Variants in DPP10 observed in about 807,000 individuals in gnomAD.
DPP10 encodes the protein dipeptidyl peptidase like 10, also known as inactive dipeptidyl peptidase 10.
A neutral mutation model predicts 120.9 loss-of-function variants in DPP10; 33 were observed. That is an observed-to-expected ratio of 0.27 (90% confidence interval 0.21 to 0.37). The LOEUF (loss-of-function observed/expected upper bound fraction) is 0.37, where lower values mean the gene tolerates loss of function less well. DPP10 is among the 10% of genes least tolerant of loss of function. The pLI is 1.00. For synonymous variants in DPP10, 337 were observed against 326.1 expected, an observed-to-expected ratio of 1.03 and a Z score of -0.36; for missense variants, 816 against 942.8, an observed-to-expected ratio of 0.87 and a Z score of 1.76.
rs186801579 is a variant in DPP10, at chr2:114,973,788, T to A, written c.61-335451T>A. Among the ~76,000 whole-genome samples, 251 of 152,176 alleles carry A rather than the reference T, an allele frequency of 1.6e-3. 1 individual carries two copies. The highest frequency in any genetic ancestry group is 5.8e-3 in the African/African-American group (240 of 41,532). ...ATGCACGTTACTGCTGCTGAAGACT[T>A]TCCAGTGGGACAAGATGTGGCAGCA... On this transcript the variant is annotated intron_variant, in intron 1 of 25. Transcript: ENST00000410059.
intron 1 of DPP10, among the ~76,000 whole-genome samples, chr2:115,066,195 A>G (rs191682449): frequency 2.1e-3 from 315 of 152,262 alleles, no homozygotes; most frequent in Non-Finnish European, 3.3e-3. Flanking sequence ...TAACTTATTC[A>G]TTTTATATAT....
intron 1 of DPP10, among the ~76,000 whole-genome samples, chr2:114,670,986 T>G (rs1386731244): frequency 1.3e-5 from 2 of 152,156 alleles, no homozygotes; most frequent in Non-Finnish European, 2.9e-5. Flanking sequence ...AAGGTCACAT[T>G]AAGGAGAAGA....
At chr2:115,416,603 G>A (rs1167416289) in intron 3 of DPP10, among the ~76,000 whole-genome samples, 1 of 152,214 alleles carries the variant, frequency 6.6e-6, no homozygotes, top group South Asian at 2.1e-4. Context: ...AGCTTATACT[G>A]AAGAGGAGGA....
intron 5 of DPP10, among the ~76,000 whole-genome samples, chr2:115,534,086 CTT>C (rs2078642726): frequency 6.8e-6 from 1 of 147,820 alleles, no homozygotes; most frequent in South Asian, 2.1e-4. Flanking sequence ...AAACAACACA[CTT>C]TTATTTATTT....
rs1409041429 is a variant in DPP10, at chr2:114,442,772, C to T, written c.-7C>T. 5 of 1,613,240 alleles carry T rather than the reference C, an allele frequency of 3.1e-6. No individual in the cohort carries two copies. Among genetic ancestry groups the T allele is most frequent in the Non-Finnish European group, 4.2e-6 (5 of 1,179,474 alleles). On this transcript the variant is annotated 5_prime_UTR_variant, in exon 1 of 26. Coordinates refer to ENST00000410059, the MANE Select transcript of DPP10 (RefSeq NM_020868.6). ...CTGGGATTGTGCACTGTCCAGGGTC[C>T]TGAAACATGAACCAAACTGCCAGCG...
chr2:115,523,103 C>T (rs1399381749), intron 4 of DPP10, among the ~76,000 whole-genome samples: 18 of 152,036 alleles, frequency 1.2e-4, no homozygotes, highest in South Asian at 2.1e-4. Flanking sequence ...GACCTGCCCA[C>T]GACTCTTTAA....
At position 115,844,560 on chromosome 2, in the gene DPP10, C is replaced by T. The variant is rs375185900; in HGVS notation, c.*2215C>T. 1 of 152,110 alleles carries T rather than the reference C, an allele frequency of 6.6e-6. No individual in the cohort carries two copies. The highest frequency in any genetic ancestry group is 1.5e-5 in the Non-Finnish European group (1 of 67,990). 9.4% of individuals were successfully genotyped at this position (152,110 alleles called of 1,614,324 possible). A position where few individuals can be genotyped will look rare whatever the true frequency, so the allele number is the denominator to read the frequency against. On this transcript the variant is annotated 3_prime_UTR_variant, in exon 26 of 26. Coordinates refer to ENST00000410059, the MANE Select transcript of DPP10 (RefSeq NM_020868.6). ...ATTCTTTGAGTTTTAATGACAGGGT[C>T]ATTTTCAGTAAAGGAAATGCTCACC...
At chr2:115,004,786 G>T (rs1197035064) in intron 1 of DPP10, among the ~76,000 whole-genome samples, 1 of 152,148 alleles carries the variant, frequency 6.6e-6, no homozygotes, top group Non-Finnish European at 1.5e-5. Flanking sequence ...CAGCGAGGCT[G>T]GGGGAGGGGC....
chr2:115,670,076 G>A (rs78758892), intron 5 of DPP10, among the ~76,000 whole-genome samples: 3 of 151,986 alleles, frequency 2.0e-5, no homozygotes, highest in Non-Finnish European at 4.4e-5. Context: ...CTGCCTTTTG[G>A]TTTTCAGATG....
intron 3 of DPP10, among the ~76,000 whole-genome samples, chr2:115,353,979 A>C (rs1472815315): frequency 6.6e-6 from 1 of 152,034 alleles, no homozygotes; most frequent in African/African-American, 2.4e-5. Flanking sequence ...ATAAGGAAAG[A>C]TTTTCTTTGT....
At chr2:115,462,035 A>G (rs1343571017) in intron 3 of DPP10, among the ~76,000 whole-genome samples, 5 of 152,190 alleles carry the variant, frequency 3.3e-5, no homozygotes, top group African/African-American at 4.8e-5. Flanking sequence ...TTAATTTACT[A>G]TTTTCTTCTA....
At chr2:115,232,771 A>G (rs1261722661) in intron 1 of DPP10, among the ~76,000 whole-genome samples, 25 of 152,200 alleles carry the variant, frequency 1.6e-4, no homozygotes, top group Non-Finnish European at 3.4e-4. Context: ...ATCTTTATAA[A>G]CATTAATATT....
At chr2:115,367,224 T>A (rs1490616794) in intron 3 of DPP10, among the ~76,000 whole-genome samples, 5 of 152,080 alleles carry the variant, frequency 3.3e-5, no homozygotes, top group Admixed American at 1.3e-4. Context: ...GAGTTTTTTT[T>A]ATTTTGGTTT....
intron 1 of DPP10, among the ~76,000 whole-genome samples, chr2:114,445,721 A>G (rs1030362701): frequency 6.6e-6 from 1 of 152,102 alleles, no homozygotes; most frequent in African/African-American, 2.4e-5. Context: ...ATGGAACAAG[A>G]TGATCAAGAG....
intron 3 of DPP10, among the ~76,000 whole-genome samples, chr2:115,415,879 A>ATATATATATG (rs1193942986): frequency 1.9e-4 from 22 of 114,700 alleles, no homozygotes; most frequent in Middle Eastern, 4.4e-3. Context: ...ATATATATGC[A>ATATATATATG]CACACACACA....
At position 115,435,335 on chromosome 2, in the gene DPP10, T is replaced by C. The variant is rs571538943; in HGVS notation, c.272-64175T>C. Among the ~76,000 whole-genome samples, 75 of 151,874 alleles carry C rather than the reference T, an allele frequency of 4.9e-4. 1 individual carries two copies. The South Asian group carries it at 0.012, about 25-fold the overall frequency. On this transcript the variant is annotated intron_variant, in intron 3 of 25. Transcript: ENST00000410059. ...GTGCAACAGTGTGCGAGAGTTACCC[T>C]TTCTCCACATCCTCGTTACCATTCA...
intron 19 of DPP10, among the ~76,000 whole-genome samples, chr2:115,797,241 T>A (rs1462162736): frequency 1.3e-5 from 2 of 152,204 alleles, no homozygotes; most frequent in East Asian, 3.9e-4. Context: ...AAATTCTGAA[T>A]TCTCATCAAA....
intron 1 of DPP10, among the ~76,000 whole-genome samples, chr2:115,225,781 T>C (rs7567875): frequency 0.37 from 55,725 of 151,826 alleles, 12,611 homozygotes; most frequent in Non-Finnish European, 0.5. Flanking sequence ...ATATTGATTT[T>C]TGTGGGAAAA....
At chr2:114,795,828 A>T (rs980313920) in intron 1 of DPP10, among the ~76,000 whole-genome samples, 2 of 152,196 alleles carry the variant, frequency 1.3e-5, no homozygotes, top group African/African-American at 4.8e-5. Flanking sequence ...AATATACACG[A>T]ATCTATTATA....
Sources: gnomAD v4.1 joint callset for allele counts (sites outside exome capture counted in the v4.1 genomes callset) on GRCh38, gnomAD v4.1.1 for gene constraint, MANE v1.5 for transcripts, NCBI Gene and HGNC (gene_info 2026-07-23, HGNC 2026-07-21) for gene names.